The following ESRRG variants were observed in gnomAD, a reference collection of about 807,000 sequenced individuals.
ESRRG encodes the protein estrogen related receptor gamma.
ESRRG carries 13 observed loss-of-function variants against 44.0 expected under a neutral mutation model. The observed-to-expected ratio is 0.30, with a 90% CI of 0.19 to 0.47. The LOEUF (loss-of-function observed/expected upper bound fraction) is 0.47, where lower values mean the gene tolerates loss of function less well. Ranked by LOEUF, ESRRG falls within the 20% of genes least tolerant of loss-of-function variation. The probability of loss-of-function intolerance (pLI) is 1.00; values close to 1 mark genes in which losing one functional copy is unlikely to be tolerated. For missense variants in ESRRG, 395 were observed against 580.6 expected, an observed-to-expected ratio of 0.68 and a Z score of 3.29; for synonymous variants, 215 against 214.6, an observed-to-expected ratio of 1.00 and a Z score of -0.02.
intron 2 of ESRRG, among the ~76,000 whole-genome samples, chr1:216,867,524 C>A (rs2096186946): frequency 6.6e-6 from 1 of 151,876 alleles, no homozygotes; most frequent in African/African-American, 2.4e-5. Context: ...TTTGTGGGTC[C>A]CTGTTAATTT....
chr1:216,950,243 C>T (rs574666008), intron 1 of ESRRG, among the ~76,000 whole-genome samples: 3 of 152,172 alleles, frequency 2.0e-5, no homozygotes, highest in Admixed American at 6.6e-5. Context: ...GTTCCATAAT[C>T]GTATGTTGAA....
intron 1 of ESRRG, among the ~76,000 whole-genome samples, chr1:216,962,569 T>TTTTTC (rs1371540175): frequency 2.6e-5 from 4 of 152,142 alleles, no homozygotes; most frequent in African/African-American, 9.7e-5. Context: ...TTTTTTTTCT[T>TTTTTC]TTTTCTTTTC....
chr1:216,815,995 T>C (rs2095124949), intron 2 of ESRRG, among the ~76,000 whole-genome samples: 1 of 152,166 alleles, frequency 6.6e-6, no homozygotes, highest in Admixed American at 6.5e-5. Flanking sequence ...GGATACCAAA[T>C]GGCTCACATG....
intron 2 of ESRRG, among the ~76,000 whole-genome samples, chr1:216,807,242 C>T (rs867829496): frequency 4.1e-4 from 63 of 152,188 alleles, no homozygotes; most frequent in South Asian, 1.9e-3. Flanking sequence ...CCCGCAAAGA[C>T]GGTTGGGAGA....
At chr1:217,075,716 G>C (rs2091208070) in intron 1 of ESRRG, among the ~76,000 whole-genome samples, 1 of 151,806 alleles carries the variant, frequency 6.6e-6, no homozygotes, top group African/African-American at 2.4e-5. Context: ...ACATTTTTCA[G>C]TCTAAGCATG....
chr1:216,648,160 T>A (rs910950437), intron 3 of ESRRG, among the ~76,000 whole-genome samples: 1 of 152,182 alleles, frequency 6.6e-6, no homozygotes, highest in African/African-American at 2.4e-5. Context: ...CTCTCCAGGC[T>A]TAGAAAGCAA....
chr1:216,625,266 A>T (rs984041987), intron 3 of ESRRG, among the ~76,000 whole-genome samples: 2 of 152,086 alleles, frequency 1.3e-5, no homozygotes, highest in African/African-American at 4.8e-5. Flanking sequence ...AACTGTTGTT[A>T]TATTAACTCT....
chr1:217,092,161 C>T (rs1461487201), upstream of ESRRG, among the ~76,000 whole-genome samples: 1 of 152,134 alleles, frequency 6.6e-6, no homozygotes, highest in Non-Finnish European at 1.5e-5. Flanking sequence ...CCAACTCTGC[C>T]TAGGAACCGC....
chr1:216,635,571 C>T lies in ESRRG; in HGVS notation c.589+15402G>A, dbSNP rs143118807. The stretch of plus-strand genomic sequence containing the variant: ...CTCCTGAGAAAAAGTTAGCAATGTC[C>T]GGATGAGAAGTGATTCCATGGATTC... On this transcript the variant is annotated intron_variant, in intron 3 of 6. Transcript: ENST00000408911. Among the ~76,000 whole-genome samples, 38 of 152,158 alleles carry T rather than the reference C, an allele frequency of 2.5e-4. 1 individual carries two copies. In the East Asian group the frequency reaches 6.4e-3, roughly 26 times the overall value.
chr1:216,967,382 A>G (rs902886626), intron 1 of ESRRG, among the ~76,000 whole-genome samples: 22 of 151,918 alleles, frequency 1.4e-4, no homozygotes, highest in African/African-American at 5.1e-4. Flanking sequence ...TCCGCAGCTC[A>G]CCTCTTCACC....
At chr1:216,523,490 G>GTTTTTT (rs749747909) in intron 5 of ESRRG, among the ~76,000 whole-genome samples, 5 of 126,322 alleles carry the variant, frequency 4.0e-5, no homozygotes, top group African/African-American at 3.2e-5. Flanking sequence ...ATCAAGCACT[G>GTTTTTT]TTTTTTTTTT....
intron 5 of ESRRG, among the ~76,000 whole-genome samples, chr1:216,548,831 GT>G (rs1323293125): frequency 6.6e-6 from 1 of 152,060 alleles, no homozygotes; most frequent in African/African-American, 2.4e-5. Flanking sequence ...GCCTTGCAGA[GT>G]AATTACCGTA....
intron 1 of ESRRG, among the ~76,000 whole-genome samples, chr1:217,019,606 A>C (rs968762602): frequency 1.3e-5 from 2 of 152,234 alleles, no homozygotes; most frequent in African/African-American, 4.8e-5. Context: ...TAACTAGTAC[A>C]TTCCAAGGGT....
intron 1 of ESRRG, among the ~76,000 whole-genome samples, chr1:216,681,701 G>C (rs1376466096): frequency 6.6e-6 from 1 of 152,096 alleles, no homozygotes; most frequent in African/African-American, 2.4e-5. Flanking sequence ...AAATGTCTTA[G>C]TTGTTTCACT....
At chr1:216,736,157 T>G (rs1469427462) in intron 2 of ESRRG, among the ~76,000 whole-genome samples, 4 of 149,414 alleles carry the variant, frequency 2.7e-5, no homozygotes, top group Non-Finnish European at 4.4e-5. Context: ...AATATGGTGC[T>G]TCTAAGGAGT....
chr1:216,830,042 T>G (rs2095461858), intron 2 of ESRRG, among the ~76,000 whole-genome samples: 1 of 152,036 alleles, frequency 6.6e-6, no homozygotes, highest in Admixed American at 6.6e-5. Context: ...CACACACACA[T>G]GCACACACAC....
intron 1 of ESRRG, among the ~76,000 whole-genome samples, chr1:216,681,403 C>A (rs2077003962): frequency 6.6e-6 from 1 of 152,082 alleles, no homozygotes; most frequent in African/African-American, 2.4e-5. Context: ...ATTAACTCGT[C>A]ATTTACATTA....
At chr1:216,965,298 G>C (rs773302255) in intron 1 of ESRRG, among the ~76,000 whole-genome samples, 29 of 152,058 alleles carry the variant, frequency 1.9e-4, no homozygotes, top group Non-Finnish European at 4.0e-4. Flanking sequence ...CAGTCCCTAA[G>C]ATGTTCTATG....
chr1:217,030,539 C>A (rs943521301), intron 1 of ESRRG, among the ~76,000 whole-genome samples: 1 of 152,196 alleles, frequency 6.6e-6, no homozygotes, highest in Non-Finnish European at 1.5e-5. Context: ...TACCGCTTAG[C>A]CTTTCTGATC....
Sources: allele counts gnomAD v4.1 joint callset (sites outside exome capture counted in the v4.1 genomes callset), GRCh38; gene constraint gnomAD v4.1.1; transcripts MANE v1.5; gene names NCBI Gene and HGNC (gene_info 2026-07-23, HGNC 2026-07-21).